The following MTR variants were observed in gnomAD, a reference collection of about 807,000 sequenced individuals.
MTR encodes 5-methyltetrahydrofolate-homocysteine methyltransferase, also known as methionine synthase.
A neutral mutation model predicts 154.8 loss-of-function variants in MTR; 84 were observed. That is an observed-to-expected ratio of 0.54 (90% confidence interval 0.45 to 0.65). The LOEUF is 0.65. Ranked by LOEUF, MTR falls within the 30% of genes least tolerant of loss-of-function variation. MTR has a pLI of 0.00. For synonymous variants in MTR, 554 were observed against 553.9 expected (o/e 1.00, Z 0.00); for missense variants, 1,275 against 1,570.2 (o/e 0.81, Z 3.18).
chr1:236,833,153 C>G (rs913724042), intron 13 of MTR, among the ~76,000 whole-genome samples: 2 of 152,340 alleles, frequency 1.3e-5, no homozygotes, highest in Non-Finnish European at 2.9e-5. Flanking sequence ...GCTTCTGACT[C>G]TGTGCCTTTG....
intron 18 of MTR, among the ~76,000 whole-genome samples, chr1:236,856,338 C>CT (rs1037382865): frequency 6.3e-4 from 95 of 151,106 alleles, no homozygotes; most frequent in African/African-American, 2.0e-3. Context: ...GGGACTTTTT[C>CT]TTTTTTTTTA....
chr1:236,841,991 A>G (rs2103189199), intron 15 of MTR, among the ~76,000 whole-genome samples: 1 of 150,454 alleles, frequency 6.6e-6, no homozygotes, highest in South Asian at 2.1e-4. Context: ...CCCGGGGTTC[A>G]CGCCATTCTC....
At chr1:236,890,994 C>A in intron 28 of MTR, 139 bp from the exon 29 acceptor site, 2 of 1,013,270 alleles carry the variant, frequency 2.0e-6, no homozygotes, top group Non-Finnish European at 3.0e-6. Flanking sequence ...CAGTGGCAAA[C>A]ACCAGAAAGC....
intron 11 of MTR, 91 bp downstream of exon 11, chr1:236,826,987 G>T: frequency 8.3e-7 from 1 of 1,203,510 alleles, no homozygotes; most frequent in Non-Finnish European, 1.2e-6. Context: ...GCTGAATTGT[G>T]TCCTTCCAAA....
intron 5 of MTR, among the ~76,000 whole-genome samples, chr1:236,812,496 G>T (rs1661363105): frequency 6.6e-6 from 1 of 152,204 alleles, no homozygotes; most frequent in African/African-American, 2.4e-5. Flanking sequence ...TCACTCCTCA[G>T]CTCATACATG....
intron 31 of MTR, among the ~76,000 whole-genome samples, chr1:236,896,001 TC>T (rs1237790069): frequency 6.6e-6 from 1 of 152,244 alleles, no homozygotes; most frequent in African/African-American, 2.4e-5. Context: ...AGCCCTCTTT[TC>T]TCTTTACTTT....
In MTR at chr1:236,895,436, G is replaced by C; in HGVS notation, c.3484G>C (p.Asp1162His). 1.2e-6 allele frequency: 2 copies of C among 1,603,952 alleles called. No individual in the cohort carries two copies. The highest frequency in any genetic ancestry group is 1.1e-5 in the South Asian group (1 of 89,028). ...TGGCAGTGAGCAGCTGGACGTCGCAGACCTGCGCAGGCTGCGGTACAAGGG... is the reference window on the plus strand; with the variant it reads ...TGGCAGTGAGCAGCTGGACGTCGCACACCTGCGCAGGCTGCGGTACAAGGG... The part of the protein sequence containing the change: ...YCGSEQLDVA[D>H]LRRLRYKGIR... Residue 1162 changes from aspartate to histidine, a missense_variant, in exon 31 of 33, where the codon GAC (aspartate) becomes CAC (histidine). Asp to His is a moderately conservative substitution (Grantham distance 81, BLOSUM62 -1). Coordinates refer to ENST00000366577, the MANE Select transcript of MTR (RefSeq NM_000254.3).
chr1:236,806,835 A>G (rs1002160724), intron 3 of MTR, among the ~76,000 whole-genome samples: 2 of 152,174 alleles, frequency 1.3e-5, no homozygotes. Context: ...GTTGAATCAT[A>G]TAGTATTTGG....
chr1:236,816,614 C>T (rs1661608037), intron 8 of MTR, 71 bp downstream of exon 8: 1 of 1,245,212 alleles, frequency 8.0e-7, no homozygotes. Flanking sequence ...TGGAGTGTGA[C>T]CTGGGAGGGG....
intron 18 of MTR, 49 bp from the exon 19 acceptor site, chr1:236,859,780 CAGTT>C (rs1664412284): frequency 7.2e-7 from 1 of 1,396,156 alleles, no homozygotes; most frequent in Middle Eastern, 1.8e-4. Context: ...TGCCATCAAA[CAGTT>C]TGGTTAGTGA....
At chr1:236,828,989 A>G (rs1662455240) in intron 11 of MTR, among the ~76,000 whole-genome samples, 200 bp from the exon 12 acceptor site, 1 of 152,140 alleles carries the variant, frequency 6.6e-6, no homozygotes, top group South Asian at 2.1e-4. Flanking sequence ...TAAAAGGTAC[A>G]GTTTATAGAT....
chr1:236,795,356 C>T lies in MTR; in HGVS notation c.-348C>T. The T allele has an allele frequency of 3.0e-6, 4 of 1,349,052 alleles. No individual in the cohort carries two copies. The highest frequency in any genetic ancestry group is 1.2e-5 in the South Asian group (1 of 80,170). 83.6% of individuals were successfully genotyped at this position (1,349,052 alleles called of 1,614,324 possible). A position where few individuals can be genotyped will look rare whatever the true frequency, so the allele number is the denominator to read the frequency against. Reference sequence around the variant, plus strand: ...GGCTCAGAGCCGGATGTCACGTCGTCCTCCTCTGCCGGTTTTCTCTTGGGT... The same window carrying T: ...GGCTCAGAGCCGGATGTCACGTCGTTCTCCTCTGCCGGTTTTCTCTTGGGT... On this transcript the variant is annotated 5_prime_UTR_variant, in exon 1 of 33. Transcript: ENST00000366577.
At position 236,843,747 on chromosome 1, in the gene MTR, G is replaced by C. The variant is rs182232483; in HGVS notation, c.1515+5148G>C. On this transcript the variant is annotated intron_variant, in intron 15 of 32. Transcript: ENST00000366577. The stretch of plus-strand genomic sequence containing the variant: ...TTCACATTGGGTATAGGTTGTGAAA[G>C]AAAGAGGAGTCAGGGATAACTTTAG... 2.4e-4 allele frequency among the ~76,000 whole-genome samples: 37 copies of C among 152,334 alleles called. 1 individual carries two copies. In the East Asian group the frequency reaches 7.1e-3, roughly 29 times the overall value.
intron 5 of MTR, 87 bp from the exon 6 acceptor site, chr1:236,812,651 C>T: frequency 1.0e-6 from 1 of 992,028 alleles, no homozygotes; most frequent in Non-Finnish European, 1.6e-6. Flanking sequence ...CAATAGTTCA[C>T]AGGTGCCAGA....
chr1:236,881,860 T>C (rs867513671), intron 25 of MTR, among the ~76,000 whole-genome samples: 2 of 152,192 alleles, frequency 1.3e-5, no homozygotes, highest in Non-Finnish European at 1.5e-5. Flanking sequence ...CCTCATGATA[T>C]AGGTATTTTT....
At chr1:236,874,078 G>A (rs1665294000) in intron 23 of MTR, among the ~76,000 whole-genome samples, 1 of 152,184 alleles carries the variant, frequency 6.6e-6, no homozygotes, top group African/African-American at 2.4e-5. Flanking sequence ...AGACTTCTTA[G>A]AACAGTTGTA....
rs116155346 is a variant in MTR, at chr1:236,866,869, G to C, written c.2405+3315G>C. Among the ~76,000 whole-genome samples the C allele has an allele frequency of 4.6e-3, 696 of 152,270 alleles. 6 individuals carry two copies. Among genetic ancestry groups the C allele is most frequent in the African/African-American group, 0.016 (659 of 41,544 alleles). On this transcript the variant is annotated intron_variant, in intron 22 of 32. Transcript: ENST00000366577. Reference sequence around the variant, plus strand: ...TAACAAATTGAAGAGAGCTCCAACCGTCTTCAATTTTGTGAAGGCTGAGAG... The same window carrying C: ...TAACAAATTGAAGAGAGCTCCAACCCTCTTCAATTTTGTGAAGGCTGAGAG...
At chr1:236,868,964 A>G (rs1437609233) in intron 22 of MTR, among the ~76,000 whole-genome samples, 1 of 152,244 alleles carries the variant, frequency 6.6e-6, no homozygotes, top group Non-Finnish European at 1.5e-5. Context: ...TTTAAAAAGT[A>G]ATGGAAATGG....
chr1:236,832,073 T>A lies in MTR; in HGVS notation c.1183T>A (p.Tyr395Asn). 6.2e-7 allele frequency: 1 copy of A among 1,612,052 alleles called. No individual in the cohort carries two copies. The highest frequency in any genetic ancestry group is 8.5e-7 in the Non-Finnish European group (1 of 1,178,108). Residue 395 changes from tyrosine to asparagine, a missense_variant, in exon 13 of 33, where the codon TAT becomes AAT. Tyr to Asn is a moderately radical substitution (Grantham distance 143). Transcript: ENST00000366577. ...TGCTAAACTCATCATGGCAGGAAAC[T>A]ATGAAGTGAGCATCTTAATAAGACC... ...KFAKLIMAGN[Y>N]EEALCVAKVQ...
Sources: allele counts gnomAD v4.1 joint callset (sites outside exome capture counted in the v4.1 genomes callset), GRCh38; gene constraint gnomAD v4.1.1; transcripts MANE v1.5; gene names NCBI Gene and HGNC (gene_info 2026-07-23, HGNC 2026-07-21).